Variants in LRRIQ1 observed in about 807,000 individuals in gnomAD.
LRRIQ1 encodes leucine-rich repeat- and IQ domain-containing protein 1.
Under a neutral mutation model 211.9 loss-of-function variants are expected in LRRIQ1, and 210 were observed. The ratio of observed to expected loss-of-function variants is 0.99; its 90% confidence interval spans 0.89 to 1.11. The LOEUF (loss-of-function observed/expected upper bound fraction) is 1.11, where lower values mean the gene tolerates loss of function less well. Ranked by LOEUF, LRRIQ1 falls within the 50% of genes most tolerant of loss-of-function variation. LRRIQ1 has a pLI of 0.00. For missense variants in LRRIQ1, 2,136 were observed against 1,939.5 expected, an observed-to-expected ratio of 1.10 and a Z score of -1.90; for synonymous variants, 699 against 650.1, an observed-to-expected ratio of 1.08 and a Z score of -1.14.
At position 85,147,406 on chromosome 12, in the gene LRRIQ1, A is replaced by G. The variant is rs564217844; in HGVS notation, c.4330-4874A>G. Among the ~76,000 whole-genome samples, 3 of 151,928 alleles carry G rather than the reference A, an allele frequency of 2.0e-5. No homozygotes were observed. The East Asian group carries it at 5.8e-4, about 30-fold the overall frequency. Reference sequence around the variant, plus strand: ...TTACTTGATTCCAGTCATTCTTATTAGGGAATGGGCCCTTACCATAGGCAT... The same window carrying G: ...TTACTTGATTCCAGTCATTCTTATTGGGGAATGGGCCCTTACCATAGGCAT... On this transcript the variant is annotated intron_variant, in intron 19 of 26. Coordinates refer to ENST00000393217, the MANE Select transcript of LRRIQ1 (RefSeq NM_001079910.2).
chr12:85,176,073 T>G (rs1027566389), intron 24 of LRRIQ1, among the ~76,000 whole-genome samples: 4 of 152,140 alleles, frequency 2.6e-5, no homozygotes, highest in African/African-American at 9.7e-5. Flanking sequence ...GGGGATGGCA[T>G]TGAATCTGTA....
intron 13 of LRRIQ1, among the ~76,000 whole-genome samples, chr12:85,102,079 A>G (rs1452260444): frequency 6.6e-6 from 1 of 151,632 alleles, no homozygotes; most frequent in African/African-American, 2.4e-5. Flanking sequence ...CACAGAAACA[A>G]TTTTCTTTTT....
At chr12:85,063,956 C>T (rs1482662423) in intron 8 of LRRIQ1, among the ~76,000 whole-genome samples, 2 of 151,718 alleles carry the variant, frequency 1.3e-5, no homozygotes, top group African/African-American at 4.8e-5. Flanking sequence ...ACTTAGGTTG[C>T]TTCTAAATCT....
At chr12:85,158,827 C>A (rs758963889) in intron 23 of LRRIQ1, among the ~76,000 whole-genome samples, 1 of 151,532 alleles carries the variant, frequency 6.6e-6, no homozygotes, top group East Asian at 1.9e-4. Context: ...AAACGTGTAA[C>A]AAACTATACT....
chr12:85,113,026 A>C (rs1231893596), intron 15 of LRRIQ1, among the ~76,000 whole-genome samples: 1 of 152,100 alleles, frequency 6.6e-6, no homozygotes, highest in Non-Finnish European at 1.5e-5. Flanking sequence ...TTCCTTACTA[A>C]TATTATACTT....
chr12:85,169,802 A>G (rs1891323440), intron 24 of LRRIQ1, among the ~76,000 whole-genome samples: 1 of 152,158 alleles, frequency 6.6e-6, no homozygotes, highest in African/African-American at 2.4e-5. Flanking sequence ...TGTGGCTCCA[A>G]CAATAGTATG....
At chr12:85,227,667 C>A (rs993173225) in intron 24 of LRRIQ1, among the ~76,000 whole-genome samples, 1 of 152,004 alleles carries the variant, frequency 6.6e-6, no homozygotes, top group Non-Finnish European at 1.5e-5. Flanking sequence ...AATGGAAAAA[C>A]CTACTTTAAA....
chr12:85,114,161 A>T (rs116696224), intron 15 of LRRIQ1, among the ~76,000 whole-genome samples: 2,889 of 152,200 alleles, frequency 0.019, 80 homozygotes, highest in African/African-American at 0.066. Context: ...TCATACAAAA[A>T]CAAGAGTATA....
intron 24 of LRRIQ1, among the ~76,000 whole-genome samples, chr12:85,215,178 A>G (rs1159279430): frequency 6.6e-6 from 1 of 152,184 alleles, no homozygotes; most frequent in East Asian, 1.9e-4. Flanking sequence ...GACAAGAACC[A>G]ATGAAACTCA....
At chr12:85,120,639 A>T (rs1049759631) in intron 15 of LRRIQ1, among the ~76,000 whole-genome samples, 4 of 152,204 alleles carry the variant, frequency 2.6e-5, no homozygotes, top group African/African-American at 9.7e-5. Context: ...TCTGGACAAT[A>T]TTGAGTCTTC....
chr12:85,185,565 A>G (rs1292420236), intron 24 of LRRIQ1, among the ~76,000 whole-genome samples: 1 of 151,982 alleles, frequency 6.6e-6, no homozygotes, highest in Non-Finnish European at 1.5e-5. Flanking sequence ...GCATAACTAG[A>G]GATGTTTTAA....
At chr12:85,045,508 T>C (rs2135911273) in intron 4 of LRRIQ1, among the ~76,000 whole-genome samples, 1 of 152,084 alleles carries the variant, frequency 6.6e-6, no homozygotes, top group South Asian at 2.1e-4. Flanking sequence ...TATTATACTG[T>C]TACTTCCTTG....
At chr12:85,172,029 G>A (rs1891443572) in intron 24 of LRRIQ1, among the ~76,000 whole-genome samples, 1 of 152,072 alleles carries the variant, frequency 6.6e-6, no homozygotes, top group African/African-American at 2.4e-5. Flanking sequence ...TTTATATCTA[G>A]CAAAACTTCT....
intron 1 of LRRIQ1, among the ~76,000 whole-genome samples, chr12:85,257,038 T>TTAGATAATTATA (rs1565931202): frequency 1.9e-4 from 22 of 117,592 alleles, no homozygotes; most frequent in Middle Eastern, 4.5e-3. Context: ...ATAATATATA[T>TTAGATAATTATA]TATATAATTA....
At chr12:85,088,462 G>GT (rs1378128978) in intron 11 of LRRIQ1, among the ~76,000 whole-genome samples, 3 of 152,122 alleles carry the variant, frequency 2.0e-5, no homozygotes, top group Non-Finnish European at 4.4e-5. Flanking sequence ...CTTTAAAGTA[G>GT]TTTTTTCCAA....
intron 26 of LRRIQ1, among the ~76,000 whole-genome samples, chr12:85,241,302 A>G (rs1021031505): frequency 7.2e-5 from 11 of 152,130 alleles, no homozygotes; most frequent in African/African-American, 2.4e-4. Context: ...TTAAATATTT[A>G]AAGTGCCTTC....
At chr12:85,049,309 A>AT (rs533005191) in intron 6 of LRRIQ1, among the ~76,000 whole-genome samples, 210 of 152,176 alleles carry the variant, frequency 1.4e-3, no homozygotes, top group African/African-American at 4.6e-3. Flanking sequence ...ACCACATAAC[A>AT]TTTTTTTGCA....
downstream of LRRIQ1, among the ~76,000 whole-genome samples, chr12:85,264,903 T>A (rs921671010): frequency 5.3e-5 from 8 of 152,012 alleles, no homozygotes; most frequent in Non-Finnish European, 1.2e-4. Flanking sequence ...CCCATCCCAC[T>A]GATGTAACAC....
chr12:85,255,296 C>G (rs1251583581), intron 1 of LRRIQ1, among the ~76,000 whole-genome samples: 1 of 151,782 alleles, frequency 6.6e-6, no homozygotes, highest in Non-Finnish European at 1.5e-5. Context: ...TGATGCCATT[C>G]TACTTATAAA....
Sources: allele counts gnomAD v4.1 joint callset (sites outside exome capture counted in the v4.1 genomes callset), GRCh38; gene constraint gnomAD v4.1.1; transcripts MANE v1.5; gene names NCBI Gene and HGNC (gene_info 2026-07-23, HGNC 2026-07-21).